Variants in JAKMIP1 observed in about 807,000 individuals in gnomAD.
JAKMIP1 encodes janus kinase and microtubule interacting protein 1.
Under a neutral mutation model 113.0 loss-of-function variants are expected in JAKMIP1, and 33 were observed. The ratio of observed to expected loss-of-function variants is 0.29; its 90% confidence interval spans 0.22 to 0.39. The LOEUF (loss-of-function observed/expected upper bound fraction) is 0.39. JAKMIP1 is among the 10% of genes least tolerant of loss of function. The pLI is 1.00. For synonymous variants in JAKMIP1, 480 were observed against 459.9 expected (o/e 1.04, Z -0.56); for missense variants, 813 against 1,080.5 (o/e 0.75, Z 3.47).
At position 6,084,899 on chromosome 4, in the gene JAKMIP1, T is replaced by A. The variant is rs763269930; in HGVS notation, c.901A>T (p.Ile301Leu). The A allele has an allele frequency of 6.4e-7, 1 of 1,571,194 alleles. No individual in the cohort carries two copies. The highest frequency in any genetic ancestry group is 8.6e-7 in the Non-Finnish European group (1 of 1,160,768). The change falls in exon 5 of 21, where the codon ATA becomes TTA. Residue 301 changes from isoleucine (I) to leucine (L), a missense_variant. Physicochemically the swap from Ile to Leu is conservative, Grantham distance 5. Around this residue, in one of 2 missense-constraint regions of JAKMIP1, gnomAD observed 540 missense variants for 653.9 expected, o/e 0.83. Coordinates refer to ENST00000409021, the MANE Select transcript of JAKMIP1 (RefSeq NM_001099433.2). Reference sequence around the variant, plus strand: ...GTATTTCTGTCTTCCAGCTTCCGTATCACTGAATTCAGTTCAGCAATTTTT... The same window carrying A: ...GTATTTCTGTCTTCCAGCTTCCGTAACACTGAATTCAGTTCAGCAATTTTT... ...QLKIAELNSV[I>L]RKLEDRNTLL...
chr4:6,063,965 C>T (rs1717684098), intron 9 of JAKMIP1, among the ~76,000 whole-genome samples: 1 of 152,232 alleles, frequency 6.6e-6, no homozygotes. Context: ...GATCCACCTG[C>T]CCCTGCCGGA....
rs1173708385 is a variant in JAKMIP1, at chr4:6,181,879, T to A, written c.-148+18374A>T. 6.6e-6 allele frequency among the ~76,000 whole-genome samples: 1 copy of A among 152,008 alleles called. No individual in the cohort carries two copies. Among genetic ancestry groups the A allele is most frequent in the Non-Finnish European group, 1.5e-5 (1 of 68,012 alleles). ...TGTGACCATGGCTGTGACAGACAGA[T>A]GTACAGGGAGGGACCCGCCCTGGCC... On this transcript the variant is annotated intron_variant, in intron 1 of 20. Transcript: ENST00000409021. The surrounding 1 kb of genome is among the most constrained non-coding windows in gnomAD (Gnocchi z 5.4).
intron 1 of JAKMIP1, 44 bp from the exon 2 acceptor site, chr4:6,113,041 G>A: frequency 2.2e-6 from 2 of 894,958 alleles, no homozygotes; most frequent in South Asian, 1.9e-5. Flanking sequence ...CAGAAGGGTG[G>A]GGAGCTGGTG....
Position 6,042,695 on chromosome 4 carries a change from T to G in JAKMIP1, c.2029-468A>C, listed in dbSNP as rs1461659402. On this transcript the variant is annotated intron_variant, in intron 16 of 20. Coordinates refer to ENST00000409021, the MANE Select transcript of JAKMIP1 (RefSeq NM_001099433.2). The surrounding 1 kb of genome is among the most constrained non-coding windows in gnomAD (Gnocchi z 5.2). ...AGTAACTTGTCCAAGGTCACACGGG[T>G]GCAGAATGGAGATTTGGAACCCAGC... Among the ~76,000 whole-genome samples the G allele has an allele frequency of 2.6e-5, 4 of 151,934 alleles. No homozygotes were observed. The highest frequency in any genetic ancestry group is 4.4e-5 in the Non-Finnish European group (3 of 67,986).
At chr4:6,121,377 C>T (rs1716691814) in intron 1 of JAKMIP1, among the ~76,000 whole-genome samples, 1 of 152,080 alleles carries the variant, frequency 6.6e-6, no homozygotes, top group Non-Finnish European at 1.5e-5. Context: ...AGTGTTCAGG[C>T]CCGGAACAAC....
rs568549364 is a variant in JAKMIP1 at position 6,149,022 on chromosome 4, G to A, written c.-147-36025C>T. On this transcript the variant is annotated intron_variant, in intron 1 of 20. Coordinates refer to ENST00000409021, the MANE Select transcript of JAKMIP1 (RefSeq NM_001099433.2). ...TGCTTTAGGTTTGCAGGGGGGTGGCGGGAGTTGAATTCCAAGAGGCCGTGT... is the reference window on the plus strand; with the variant it reads ...TGCTTTAGGTTTGCAGGGGGGTGGCAGGAGTTGAATTCCAAGAGGCCGTGT... Among the ~76,000 whole-genome samples the A allele has an allele frequency of 3.9e-5, 6 of 152,226 alleles. No homozygotes were observed. In the East Asian group the frequency reaches 5.8e-4, roughly 15 times the overall value.
At position 6,171,204 on chromosome 4, in the gene JAKMIP1, T is replaced by C. The variant is rs372916830; in HGVS notation, c.-148+29049A>G. On this transcript the variant is annotated intron_variant, in intron 1 of 20. Transcript: ENST00000409021. ...ACCACCATCACCATCATCACCACCA[T>C]CACCATCATCACCACCACCACCATT... 7.0e-3 allele frequency among the ~76,000 whole-genome samples: 975 copies of C among 138,978 alleles called. 8 individuals are homozygous for C. The highest frequency in any genetic ancestry group is 0.026 in the African/African-American group (925 of 35,680). 91.2% of individuals were successfully genotyped at this position (138,978 alleles called of 152,430 possible).
rs182590341 is a variant in JAKMIP1, at chr4:6,155,226, C to T, written c.-147-42229G>A. 2.0e-5 allele frequency among the ~76,000 whole-genome samples: 3 copies of T among 152,204 alleles called. No individual in the cohort carries two copies. The highest frequency in any genetic ancestry group is 1.9e-4 in the East Asian group (1 of 5,178). ...GACCCTGGTGTGCCCACGAGGAGGA[C>T]GAATGCTCCTCCTAAGGAGGAAACA... On this transcript the variant is annotated intron_variant, in intron 1 of 20. Transcript: ENST00000409021. This position sits in a 1 kb window ranked among gnomAD's most constrained non-coding sequence, Gnocchi z 6.1.
At chr4:6,090,870 T>G (rs554504665) in intron 3 of JAKMIP1, among the ~76,000 whole-genome samples, 4 of 148,360 alleles carry the variant, frequency 2.7e-5, no homozygotes, top group African/African-American at 1.0e-4. Context: ...GCCCTTAGAG[T>G]GTCAAAACCC....
chr4:6,054,417 C>A (rs113641829), intron 12 of JAKMIP1, among the ~76,000 whole-genome samples: 2,103 of 152,322 alleles, frequency 0.014, 53 homozygotes, highest in African/African-American at 0.047. Context: ...GGGCTACTTA[C>A]ATATTTGCTG....
rs1725343741 is a variant in JAKMIP1 at position 6,176,410 on chromosome 4, C to T, written c.-148+23843G>A. ...TAGGAGGCAAAACCAGATAGGACCT[C>T]CAGCCTAGCTGAACGGGACCAAGGA... On this transcript the variant is annotated intron_variant, in intron 1 of 20. Transcript: ENST00000409021. The surrounding 1 kb of genome is among the most constrained non-coding windows in gnomAD (Gnocchi z 5.5). Among the ~76,000 whole-genome samples the T allele has an allele frequency of 2.0e-5, 3 of 152,176 alleles. No homozygotes were observed. In the South Asian group the frequency reaches 6.2e-4, roughly 32 times the overall value.
chr4:6,031,457 T>C lies in JAKMIP1; in HGVS notation c.2380-1676A>G, dbSNP rs1436658593. On this transcript the variant is annotated intron_variant, in intron 19 of 20. Coordinates refer to ENST00000409021, the MANE Select transcript of JAKMIP1 (RefSeq NM_001099433.2). The surrounding 1 kb of genome is among the most constrained non-coding windows in gnomAD (Gnocchi z 4.4). ...AGGCATGAGGAGGGGTGAGGTATCG[T>C]GCCGTGGGCTGGAGGAGACGTGGAA... Among the ~76,000 whole-genome samples, 1 of 152,002 alleles carries C rather than the reference T, an allele frequency of 6.6e-6. No homozygotes were observed. Among genetic ancestry groups the C allele is most frequent in the East Asian group, 1.9e-4 (1 of 5,170 alleles).
At position 6,080,984 on chromosome 4, in the gene JAKMIP1, T is replaced by TACACACACACACACACACACACACAC. The variant is rs71173403; in HGVS notation, c.1101+599_1101+624dup. Among the ~76,000 whole-genome samples the TACACACACACACACACACACACACAC allele has an allele frequency of 8.4e-3, 1,186 of 141,018 alleles. 36 individuals are homozygous for TACACACACACACACACACACACACAC. Among genetic ancestry groups the TACACACACACACACACACACACACAC allele is most frequent in the African/African-American group, 0.03 (1,098 of 36,100 alleles). The allele number at this position is 141,018 out of a possible 152,430, so 92.5% of individuals were successfully genotyped here. ...GGAGAGGACTTCACACAACAGCAAT[T>TACACACACACACACACACACACACAC]ACACACACACACACACACACACACA... On this transcript the variant is annotated intron_variant, in intron 6 of 20. Transcript: ENST00000409021. This position sits in a 1 kb window ranked among gnomAD's most constrained non-coding sequence, Gnocchi z 6.0.
chr4:6,193,943 T>C lies in JAKMIP1; in HGVS notation c.-148+6310A>G, dbSNP rs67889615. Among the ~76,000 whole-genome samples, 8,347 of 152,242 alleles carry C rather than the reference T, an allele frequency of 0.055. 309 individuals carry two copies. The highest frequency in any genetic ancestry group is 0.088 in the Middle Eastern group (26 of 294). ...AGACCATTGTGTTGTATACGCACCA[T>C]GGAATACTACTCCGCCATGAAGAAG... On this transcript the variant is annotated intron_variant, in intron 1 of 20. Coordinates refer to ENST00000409021, the MANE Select transcript of JAKMIP1 (RefSeq NM_001099433.2). The surrounding 1 kb of genome is among the most constrained non-coding windows in gnomAD (Gnocchi z 6.4).
In JAKMIP1 at chr4:6,094,219, G is replaced by A. The variant is rs1177915928; in HGVS notation, c.625-8590C>T. Among the ~76,000 whole-genome samples the A allele has an allele frequency of 6.6e-6, 1 of 152,196 alleles. No homozygotes were observed. Among genetic ancestry groups the A allele is most frequent in the African/African-American group, 2.4e-5 (1 of 41,448 alleles). ...CATAAAATAAAATCTCAAACAATCT[G>A]TGCTAGCCCTGGGTCTAGCTCACAG... On this transcript the variant is annotated intron_variant, in intron 3 of 20. Coordinates refer to ENST00000409021, the MANE Select transcript of JAKMIP1 (RefSeq NM_001099433.2). This position sits in a 1 kb window ranked among gnomAD's most constrained non-coding sequence, Gnocchi z 4.2.
intron 3 of JAKMIP1, among the ~76,000 whole-genome samples, chr4:6,090,847 T>C (rs767895826): frequency 7.9e-5 from 12 of 150,992 alleles, no homozygotes; most frequent in Middle Eastern, 3.4e-3. Context: ...CACTGTCCCA[T>C]GTTAACCATG....
rs1179367167 is a variant in JAKMIP1, at chr4:6,125,804, AAC to A, written c.-147-12809_-147-12808del. On this transcript the variant is annotated intron_variant, in intron 1 of 20. Coordinates refer to ENST00000409021, the MANE Select transcript of JAKMIP1 (RefSeq NM_001099433.2). The stretch of plus-strand genomic sequence containing the variant: ...CAGAAACACACACACACCATACAGA[AAC>A]ACACACACACACCATACACACCATG... 2.6e-3 allele frequency among the ~76,000 whole-genome samples: 294 copies of A among 114,546 alleles called. 17 individuals are homozygous for A. The highest frequency in any genetic ancestry group is 0.012 in the African/African-American group (267 of 21,548). The allele number at this position is 114,546 out of a possible 152,430, so 75.1% of individuals were successfully genotyped here.
rs745942615 is a variant in JAKMIP1 at position 6,106,003 on chromosome 4, A to G, written c.130-36T>C. 2 of 1,144,896 alleles carry G rather than the reference A, an allele frequency of 1.7e-6. No homozygotes were observed. Among genetic ancestry groups the G allele is most frequent in the Non-Finnish European group, 2.4e-6 (2 of 818,768 alleles). The allele number at this position is 1,144,896 out of a possible 1,614,324, so 70.9% of individuals were successfully genotyped here. ...AGCGGCGAGAGAGCCGGTCAGGGTC[A>G]GGGTCAGGGTCAGGGTCAGGGTCAG... On this transcript the variant is annotated intron_variant, in intron 2 of 20. Transcript: ENST00000409021. The surrounding 1 kb of genome is among the most constrained non-coding windows in gnomAD (Gnocchi z 5.9).
At position 6,084,902 on chromosome 4, in the gene JAKMIP1, C is replaced by G. The variant is rs764459170; in HGVS notation, c.898G>C (p.Val300Leu). ...FQLKIAELNS[V>L]IRKLEDRNTL... ...TTTCTGTCTTCCAGCTTCCGTATCA[C>G]TGAATTCAGTTCAGCAATTTTTAGT... Residue 300 changes from valine to leucine, a missense_variant, in exon 5 of 21, where the codon GTG becomes CTG. By Grantham distance (32) the Val-to-Leu change is conservative. Transcript: ENST00000409021. 1.9e-6 allele frequency: 3 copies of G among 1,543,408 alleles called. No homozygotes were observed. Among genetic ancestry groups the G allele is most frequent in the Non-Finnish European group, 2.6e-6 (3 of 1,143,014 alleles).
Sources: allele counts gnomAD v4.1 joint callset (sites outside exome capture counted in the v4.1 genomes callset), GRCh38; gene constraint gnomAD v4.1.1; regional missense constraint gnomAD v4.1.1; non-coding constraint Gnocchi (gnomAD v3.1); transcripts MANE v1.5; gene names NCBI Gene and HGNC (gene_info 2026-07-23, HGNC 2026-07-21).